The following PSD4 variants were observed in gnomAD, a reference collection of about 807,000 sequenced individuals.
PSD4 encodes pleckstrin and Sec7 domain containing 4.
A neutral mutation model predicts 112.5 loss-of-function variants in PSD4; 59 were observed. The ratio of observed to expected loss-of-function variants is 0.52; its 90% CI spans 0.43 to 0.65. The LOEUF (loss-of-function observed/expected upper bound fraction) is 0.65. PSD4 is among the 30% of genes least tolerant of loss of function. The pLI is 0.00. For synonymous variants in PSD4, 533 were observed against 540.0 expected, an observed-to-expected ratio of 0.99 and a Z score of 0.18; for missense variants, 1,267 against 1,352.6, an observed-to-expected ratio of 0.94 and a Z score of 0.99.
rs1558886378 is a variant in PSD4 at position 113,182,385 on chromosome 2, C to T, written c.-72C>T. 6 of 1,381,774 alleles carry T rather than the reference C, an allele frequency of 4.3e-6. No individual in the cohort carries two copies. Among genetic ancestry groups the T allele is most frequent in the Non-Finnish European group, 2.0e-6 (2 of 1,009,364 alleles). The allele number at this position is 1,381,774 out of a possible 1,614,324, so 85.6% of individuals were successfully genotyped here. A position where few individuals can be genotyped will look rare whatever the true frequency, so the allele number is the denominator to read the frequency against. On this transcript the variant is annotated 5_prime_UTR_variant, in exon 2 of 17. Coordinates refer to ENST00000245796, the MANE Select transcript of PSD4 (RefSeq NM_012455.3). ...CCCAGTTTCTCCAGCGGCCAGTGCTCCCCCTAGTCCACACAGTGAGACCGT... is the reference window on the plus strand; with the variant it reads ...CCCAGTTTCTCCAGCGGCCAGTGCTTCCCCTAGTCCACACAGTGAGACCGT...
chr2:113,176,843 G>T (rs1044428622), intron 1 of PSD4, among the ~76,000 whole-genome samples: 17 of 152,148 alleles, frequency 1.1e-4, no homozygotes, highest in Admixed American at 6.5e-4. Context: ...CTACCTCAGG[G>T]ATCAAAGGCT....
intron 16 of PSD4, 134 bp downstream of exon 16, chr2:113,199,360 C>G: frequency 8.7e-7 from 1 of 1,149,876 alleles, no homozygotes; most frequent in Non-Finnish European, 1.1e-6. Context: ...GGGCGGGGCC[C>G]GCGTGCGCCG....
chr2:113,195,676 A>G, intron 10 of PSD4, 51 bp from the exon 11 acceptor site: 1 of 1,608,260 alleles, frequency 6.2e-7, no homozygotes. Flanking sequence ...AAGAGACTTT[A>G]GGCTCCACAG....
chr2:113,178,031 A>AG (rs1688024496), intron 1 of PSD4, among the ~76,000 whole-genome samples: 1 of 152,178 alleles, frequency 6.6e-6, no homozygotes, highest in Non-Finnish European at 1.5e-5. Flanking sequence ...CAGCCTGATC[A>AG]ATATGGTGAA....
At chr2:113,180,804 G>GC (rs1688110972) in intron 1 of PSD4, among the ~76,000 whole-genome samples, 1 of 152,174 alleles carries the variant, frequency 6.6e-6, no homozygotes, top group African/African-American at 2.4e-5. Flanking sequence ...TAAACTGGGA[G>GC]CATGTGTGTG....
In PSD4 at chr2:113,188,903, C is replaced by G. The variant is rs1688377363; in HGVS notation, c.1628+2648C>G. On this transcript the variant is annotated intron_variant, in intron 5 of 16. Transcript: ENST00000245796. Reference sequence around the variant, plus strand: ...TTTTAACTTGAATTTTCTTTTCTTTCTTTTTTATAATTTTTATTTCCATAG... The same window carrying G: ...TTTTAACTTGAATTTTCTTTTCTTTGTTTTTTATAATTTTTATTTCCATAG... Among the ~76,000 whole-genome samples the G allele has an allele frequency of 2.0e-5, 3 of 152,142 alleles. No homozygotes were observed. In the South Asian group the frequency reaches 6.2e-4, roughly 32 times the overall value.
chr2:113,184,129 G>A (rs1015407743), intron 2 of PSD4, among the ~76,000 whole-genome samples: 1 of 152,190 alleles, frequency 6.6e-6, no homozygotes, highest in Admixed American at 6.5e-5. Context: ...GTTTTCCCAG[G>A]GAGGCCTCTC....
chr2:113,194,346 C>T (rs112765383), intron 10 of PSD4, among the ~76,000 whole-genome samples: 1 of 152,208 alleles, frequency 6.6e-6, no homozygotes, highest in South Asian at 2.1e-4. Context: ...GCAATTTGCC[C>T]CCTCTTGGCC....
chr2:113,196,470 G>T, intron 12 of PSD4, 163 bp downstream of exon 12: 4 of 929,040 alleles, frequency 4.3e-6, no homozygotes, highest in Non-Finnish European at 6.3e-6. Context: ...ACCATGTGCT[G>T]GATGCTGTGT....
intron 13 of PSD4, 54 bp from the exon 14 acceptor site, chr2:113,197,693 C>T: frequency 6.2e-7 from 1 of 1,610,974 alleles, no homozygotes; most frequent in Non-Finnish European, 8.5e-7. Context: ...CCAGAACAGT[C>T]TGGAGGGTGG....
chr2:113,201,218 G>A lies in PSD4; in HGVS notation c.2974G>A (p.Ala992Thr). Residue 992 changes from alanine to threonine, a missense_variant, in exon 17 of 17, where the codon GCT (alanine) becomes ACT (threonine). Ala to Thr is a moderately conservative substitution (Grantham distance 58, BLOSUM62 0). Transcript: ENST00000245796. ...LVARLHCPSD[A>T]LDLWEEQLGR... ...GGCCCGCCTGCACTGCCCCTCTGAT[G>A]CTCTGGACCTGTGGGAGGAGCAGCT... 1 of 1,614,156 alleles carries A rather than the reference G, an allele frequency of 6.2e-7. No individual in the cohort carries two copies. The highest frequency in any genetic ancestry group is 8.5e-7 in the Non-Finnish European group (1 of 1,180,022).
At chr2:113,197,526 C>G in intron 12 of PSD4, 38 bp from the exon 13 acceptor site, 1 of 1,611,316 alleles carries the variant, frequency 6.2e-7, no homozygotes, top group Middle Eastern at 1.6e-4. Flanking sequence ...GATGCTGGTG[C>G]CCCCACCTAC....
In PSD4 at chr2:113,199,126, C is replaced by T. The variant is rs529175441; in HGVS notation, c.2813C>T (p.Ala938Val). Residue 938 changes from alanine to valine, a missense_variant, in exon 16 of 17, where the codon GCG becomes GTG. Around this residue, in one of 2 missense-constraint regions of PSD4, gnomAD observed 544 missense variants for 648.6 expected, o/e 0.84. Transcript: ENST00000245796. The part of the protein sequence containing the change: ...RSHENCLDAA[A>V]DDLLDLQRNL... The stretch of plus-strand genomic sequence containing the variant: ...CACGAGAACTGCCTGGACGCTGCCG[C>T]GGACGACCTGCTGGATCTACAGAGG... 2 of 1,530,864 alleles carry T rather than the reference C, an allele frequency of 1.3e-6. No homozygotes were observed. Among genetic ancestry groups the T allele is most frequent in the African/African-American group, 1.4e-5 (1 of 70,328 alleles). 94.8% of individuals were successfully genotyped at this position (1,530,864 alleles called of 1,614,324 possible).
Position 113,195,770 on chromosome 2 carries a change from TGTGA to T in PSD4, c.2225+6_2225+9del, listed in dbSNP as rs779253344. The T allele has an allele frequency of 6.2e-7, 1 of 1,614,112 alleles. No homozygotes were observed. The highest frequency in any genetic ancestry group is 1.1e-5 in the South Asian group (1 of 91,076). On this transcript the variant is annotated splice_donor_variant and splice_donor_region_variant and intron_variant, in intron 11 of 16. Transcript: ENST00000245796. LOFTEE classifies it high-confidence loss of function. Reference sequence around the variant, plus strand: ...CGCAGCGAGAAGCTCGAGTGGGCCGTGTGAGTGAGACTCCCTTTCCCCTCTCCCT... The same window carrying T: ...CGCAGCGAGAAGCTCGAGTGGGCCGTGTGAGACTCCCTTTCCCCTCTCCCT...
chr2:113,191,014 G>A (rs1688428859), intron 5 of PSD4, among the ~76,000 whole-genome samples: 1 of 152,116 alleles, frequency 6.6e-6, no homozygotes, highest in Non-Finnish European at 1.5e-5. Context: ...TTTAATTTTT[G>A]GCATGAAGAA....
At chr2:113,196,633 G>A (rs1363194021) in intron 12 of PSD4, 4 of 239,790 alleles carry the variant, frequency 1.7e-5, no homozygotes, top group Non-Finnish European at 3.2e-5. Flanking sequence ...GCTGAATCAA[G>A]TGAGGAGAAA....
At chr2:113,191,005 T>G (rs13419289) in intron 5 of PSD4, among the ~76,000 whole-genome samples, 2,265 of 152,352 alleles carry the variant, frequency 0.015, 53 homozygotes, top group African/African-American at 0.052. Flanking sequence ...TGGGTGAACT[T>G]TAATTTTTGG....
intron 3 of PSD4, 105 bp downstream of exon 3, chr2:113,185,178 C>T (rs1688259736): frequency 6.4e-7 from 1 of 1,570,778 alleles, no homozygotes; most frequent in Non-Finnish European, 8.7e-7. Flanking sequence ...GGATGTGGGG[C>T]TTCTCACATC....
At position 113,186,111 on chromosome 2, in the gene PSD4, C is replaced by T. The variant is rs200506453; in HGVS notation, c.1484C>T (p.Thr495Met). The T allele has an allele frequency of 3.3e-4, 535 of 1,614,156 alleles. 1 individual carries two copies. The highest frequency in any genetic ancestry group is 5.0e-4 in the Middle Eastern group (3 of 6,060). Reference sequence around the variant, plus strand: ...GCTTCACAGTCTTCACTCTTGGAGACGGATGGGGAACAGCCAAGTTCCTTG... The same window carrying T: ...GCTTCACAGTCTTCACTCTTGGAGATGGATGGGGAACAGCCAAGTTCCTTG... ...LDASQSSLLE[T>M]DGEQPSSLKK... Residue 495 changes from threonine (T) to methionine (M), a missense_variant, in exon 5 of 17, where the codon ACG becomes ATG. Around this residue, in one of 2 missense-constraint regions of PSD4, gnomAD observed 723 missense variants for 704.0 expected, o/e 1.03. Transcript: ENST00000245796.
Sources: allele counts gnomAD v4.1 joint callset (sites outside exome capture counted in the v4.1 genomes callset), GRCh38; gene constraint gnomAD v4.1.1; regional missense constraint gnomAD v4.1.1; transcripts MANE v1.5; gene names NCBI Gene and HGNC (gene_info 2026-07-23, HGNC 2026-07-21).